Variants in ALK observed in about 807,000 individuals in gnomAD.
ALK encodes ALK tyrosine kinase receptor.
Under a neutral mutation model 163.1 loss-of-function variants are expected in ALK, and 74 were observed. That is an observed-to-expected ratio of 0.45 (90% CI 0.38 to 0.55). The LOEUF (loss-of-function observed/expected upper bound fraction) is 0.55, where lower values mean the gene tolerates loss of function less well. ALK is among the 20% of genes least tolerant of loss of function. ALK has a pLI of 0.00. For missense variants in ALK, 2,063 were observed against 2,105.3 expected (o/e 0.98, Z 0.39); for synonymous variants, 960 against 843.2 (o/e 1.14, Z -2.40).
chr2:29,606,082 A>G (rs1675534749), intron 3 of ALK, among the ~76,000 whole-genome samples: 1 of 152,088 alleles, frequency 6.6e-6, no homozygotes, highest in Non-Finnish European at 1.5e-5. Context: ...TTCAGATCCA[A>G]TAGGCAAATA....
rs148409958 is a variant in ALK, at chr2:29,378,679, T to G, written c.1282+5053A>C. Among the ~76,000 whole-genome samples the G allele has an allele frequency of 1.5e-4, 23 of 152,180 alleles. 1 individual carries two copies. Among genetic ancestry groups the G allele is most frequent in the African/African-American group, 4.8e-4 (20 of 41,526 alleles). On this transcript the variant is annotated intron_variant, in intron 5 of 28. Transcript: ENST00000389048. The stretch of plus-strand genomic sequence containing the variant: ...TGCAATGCTGTGCATTTTTAGGAGC[T>G]GTTCAGGGCCATGCTGATCCTCCCC...
intron 4 of ALK, among the ~76,000 whole-genome samples, chr2:29,494,980 T>C (rs1449482723): frequency 2.0e-5 from 3 of 152,146 alleles, no homozygotes; most frequent in Non-Finnish European, 4.4e-5. Flanking sequence ...AACATAGATA[T>C]CGCTCACCTG....
intron 4 of ALK, among the ~76,000 whole-genome samples, chr2:29,514,570 C>T (rs1375181904): frequency 6.6e-6 from 1 of 152,142 alleles, no homozygotes; most frequent in Non-Finnish European, 1.5e-5. Flanking sequence ...AACTCCAGAC[C>T]CTTGTGTCCA....
Position 29,227,056 on chromosome 2 carries a change from T to C in ALK, c.2933A>G (p.Glu978Gly). The change falls in exon 18 of 29, where the codon GAA becomes GGA. Residue 978 changes from glutamate to glycine, a missense_variant. Transcript: ENST00000389048. This position sits in a 1 kb window ranked among gnomAD's most constrained non-coding sequence, Gnocchi z 4.4. ...GTTTAGATAATGCTTAATATTCACT[T>C]CCCCGTGGCCTTCCATCACTAGTGA... Reference protein sequence around the residue: ...PALKVMEGHGEVNIKHYLNCS... With the variant: ...PALKVMEGHGGVNIKHYLNCS... 2 of 1,614,084 alleles carry C rather than the reference T, an allele frequency of 1.2e-6. No homozygotes were observed. The highest frequency in any genetic ancestry group is 1.7e-6 in the Non-Finnish European group (2 of 1,180,028).
intron 4 of ALK, among the ~76,000 whole-genome samples, chr2:29,500,868 T>C (rs893744324): frequency 7.9e-5 from 12 of 152,220 alleles, no homozygotes; most frequent in South Asian, 6.2e-4. Flanking sequence ...CTGGATCTAA[T>C]GCTTTGCTCA....
chr2:29,912,261 A>T (rs912239653), intron 1 of ALK, among the ~76,000 whole-genome samples: 3 of 152,190 alleles, frequency 2.0e-5, no homozygotes, highest in African/African-American at 7.2e-5. Flanking sequence ...AAAAAACTAC[A>T]AACAGGATAA....
At chr2:29,235,120 C>A (rs995948818) in intron 13 of ALK, among the ~76,000 whole-genome samples, 1 of 152,220 alleles carries the variant, frequency 6.6e-6, no homozygotes, top group African/African-American at 2.4e-5. Context: ...GTAACAGAAT[C>A]CTGGAATCCC....
At chr2:29,807,265 T>C (rs1664642684) in intron 1 of ALK, among the ~76,000 whole-genome samples, 1 of 152,072 alleles carries the variant, frequency 6.6e-6, no homozygotes, top group Non-Finnish European at 1.5e-5. Flanking sequence ...AGGAGACGAA[T>C]CTCTCCCCAG....
chr2:29,646,635 C>G (rs913019477), intron 3 of ALK, among the ~76,000 whole-genome samples: 4 of 152,100 alleles, frequency 2.6e-5, no homozygotes, highest in Admixed American at 2.6e-4. Flanking sequence ...TCTTGCCATC[C>G]CTGAATATTC....
chr2:29,425,213 T>C (rs1670105832), intron 4 of ALK, among the ~76,000 whole-genome samples: 1 of 152,310 alleles, frequency 6.6e-6, no homozygotes, highest in South Asian at 2.1e-4. Flanking sequence ...CAGTGAGAAT[T>C]TGTAACATTG....
chr2:29,699,527 A>G (rs1215145082), intron 2 of ALK, among the ~76,000 whole-genome samples: 1 of 152,246 alleles, frequency 6.6e-6, no homozygotes, highest in African/African-American at 2.4e-5. Flanking sequence ...TTTACACAAT[A>G]GATGAGAAAC....
intron 3 of ALK, among the ~76,000 whole-genome samples, chr2:29,532,657 C>G (rs902247507): frequency 1.3e-5 from 2 of 152,178 alleles, no homozygotes; most frequent in Non-Finnish European, 2.9e-5. Context: ...GTTGTTGTGC[C>G]CATGGCAGAG....
chr2:29,802,944 C>G (rs948543105), intron 1 of ALK, among the ~76,000 whole-genome samples: 1 of 151,966 alleles, frequency 6.6e-6, no homozygotes, highest in Non-Finnish European at 1.5e-5. Context: ...AGGTACAGTT[C>G]TCTGTTTCTT....
At chr2:29,522,716 C>T (rs578139147) in intron 4 of ALK, among the ~76,000 whole-genome samples, 2 of 152,244 alleles carry the variant, frequency 1.3e-5, no homozygotes, top group South Asian at 4.2e-4. Context: ...AAAGAACCCC[C>T]ACCCCATCTC....
Position 29,800,811 on chromosome 2 carries a change from C to A in ALK, c.668-83114G>T, listed in dbSNP as rs940307119. ...ACCACAATATTCCCAACGCATGGGG[C>A]TTCTGAGTCCTAAATAAGGCAATTT... On this transcript the variant is annotated intron_variant, in intron 1 of 28. Transcript: ENST00000389048. Among the ~76,000 whole-genome samples the A allele has an allele frequency of 3.9e-5, 6 of 152,206 alleles. No homozygotes were observed. In the East Asian group the frequency reaches 1.2e-3, roughly 29 times the overall value.
intron 3 of ALK, among the ~76,000 whole-genome samples, chr2:29,596,275 G>A (rs940470213): frequency 4.6e-5 from 7 of 152,138 alleles, no homozygotes; most frequent in South Asian, 2.1e-4. Flanking sequence ...CCTATTGACA[G>A]CTTCAATTGC....
chr2:29,778,991 TA>T (rs1438564694), intron 1 of ALK, among the ~76,000 whole-genome samples: 1 of 150,892 alleles, frequency 6.6e-6, no homozygotes, highest in Non-Finnish European at 1.5e-5. Flanking sequence ...CGGTCTCTAC[TA>T]AAAAATACAA....
intron 3 of ALK, among the ~76,000 whole-genome samples, chr2:29,686,804 C>T (rs1201099627): frequency 2.6e-5 from 4 of 152,178 alleles, no homozygotes; most frequent in African/African-American, 4.8e-5. Context: ...GGAAGGTCCA[C>T]CCCTGAGGCA....
chr2:29,549,095 T>C (rs181728770), intron 3 of ALK, among the ~76,000 whole-genome samples: 7 of 152,050 alleles, frequency 4.6e-5, no homozygotes, highest in East Asian at 1.9e-4. Flanking sequence ...ATCCTCATTG[T>C]AACTCTCTTT....
Sources: allele counts gnomAD v4.1 joint callset (sites outside exome capture counted in the v4.1 genomes callset), GRCh38; gene constraint gnomAD v4.1.1; non-coding constraint Gnocchi (gnomAD v3.1); transcripts MANE v1.5; gene names NCBI Gene and HGNC (gene_info 2026-07-23, HGNC 2026-07-21).